The following NBEA variants were observed in gnomAD, a reference collection of about 807,000 sequenced individuals.
NBEA encodes the protein neurobeachin, also known as lysosomal-trafficking regulator 2.
Under a neutral mutation model 343.4 loss-of-function variants are expected in NBEA, and 44 were observed. The observed-to-expected ratio is 0.13, with a 90% CI of 0.10 to 0.16. The LOEUF is 0.16. Among genes scored for constraint, NBEA ranks in the 10% least tolerant of loss-of-function variants. NBEA has a pLI of 1.00. For synonymous variants in NBEA, 1,175 were observed against 1,238.7 expected (o/e 0.95, Z 1.08); for missense variants, 2,555 against 3,631.3 (o/e 0.70, Z 7.62).
At chr13:35,629,084 T>C (rs956419107) in intron 49 of NBEA, among the ~76,000 whole-genome samples, 1 of 152,232 alleles carries the variant, frequency 6.6e-6, no homozygotes, top group African/African-American at 2.4e-5. Flanking sequence ...AGTATGTATA[T>C]AGTATTTTTA....
At chr13:35,311,114 T>C (rs2037332544) in intron 36 of NBEA, among the ~76,000 whole-genome samples, 1 of 152,160 alleles carries the variant, frequency 6.6e-6, no homozygotes, top group Non-Finnish European at 1.5e-5. Flanking sequence ...TTTTCTTTTA[T>C]AACGCAAATA....
intron 38 of NBEA, among the ~76,000 whole-genome samples, chr13:35,385,473 A>G (rs1465301598): frequency 6.6e-6 from 1 of 152,110 alleles, no homozygotes; most frequent in East Asian, 1.9e-4. Context: ...TGCAGAGTGG[A>G]CAATCACTGG....
At chr13:35,583,050 G>T (rs921027160) in intron 45 of NBEA, among the ~76,000 whole-genome samples, 24 of 152,112 alleles carry the variant, frequency 1.6e-4, no homozygotes, top group African/African-American at 5.8e-4. Flanking sequence ...TCAAAATAAT[G>T]TGCTTATTTG....
At chr13:35,571,229 ATT>A (rs904610044) in intron 45 of NBEA, among the ~76,000 whole-genome samples, 49 of 152,262 alleles carry the variant, frequency 3.2e-4, no homozygotes, top group Middle Eastern at 6.8e-3. Flanking sequence ...AAAAATAAAT[ATT>A]TATTTTCTTT....
intron 38 of NBEA, among the ~76,000 whole-genome samples, chr13:35,377,552 C>A (rs2041809580): frequency 6.6e-6 from 1 of 152,274 alleles, no homozygotes; most frequent in East Asian, 1.9e-4. Flanking sequence ...CTTAAAGCAG[C>A]AAGGTGCTAT....
chr13:35,034,420 T>G (rs1333620402), intron 1 of NBEA, among the ~76,000 whole-genome samples: 1 of 151,966 alleles, frequency 6.6e-6, no homozygotes. Context: ...CTATGTTTTT[T>G]GTTGAGGATT....
At chr13:35,209,857 T>C (rs2073648487) in intron 32 of NBEA, among the ~76,000 whole-genome samples, 1 of 152,130 alleles carries the variant, frequency 6.6e-6, no homozygotes, top group African/African-American at 2.4e-5. Flanking sequence ...GGCAAATGAA[T>C]GTCATTAATG....
chr13:35,242,319 A>G (rs977216803), intron 34 of NBEA, among the ~76,000 whole-genome samples: 2 of 151,920 alleles, frequency 1.3e-5, no homozygotes, highest in Non-Finnish European at 2.9e-5. Context: ...GACAGAAGAA[A>G]GAATCAGCAA....
intron 47 of NBEA, among the ~76,000 whole-genome samples, chr13:35,594,902 A>G (rs554507514): frequency 6.6e-6 from 1 of 151,294 alleles, no homozygotes; most frequent in Admixed American, 6.6e-5. Flanking sequence ...ATATTATATC[A>G]GCCTATTTCA....
Position 35,667,341 on chromosome 13 carries a change from A to G in NBEA, c.8465-33A>G, listed in dbSNP as rs200583539. On this transcript the variant is annotated intron_variant, in intron 56 of 58. Coordinates refer to ENST00000379939, the MANE Select transcript of NBEA (RefSeq NM_001385012.1). ...GCTAGTATGTCGTTTGTCGTCCCCAACTGACCCTGGCATTGATGTCCCCAC... is the reference window on the plus strand; with the variant it reads ...GCTAGTATGTCGTTTGTCGTCCCCAGCTGACCCTGGCATTGATGTCCCCAC... The G allele has an allele frequency of 2.7e-4, 424 of 1,594,408 alleles. 1 individual carries two copies. Among genetic ancestry groups the G allele is most frequent in the Middle Eastern group, 5.1e-4 (3 of 5,878 alleles).
intron 48 of NBEA, among the ~76,000 whole-genome samples, chr13:35,610,475 A>G (rs1284234849): frequency 1.3e-5 from 2 of 150,236 alleles, no homozygotes; most frequent in Non-Finnish European, 3.0e-5. Context: ...TTGGTGCTAG[A>G]AGAGTTGGAT....
At chr13:35,523,897 G>C (rs1298447694) in intron 41 of NBEA, among the ~76,000 whole-genome samples, 3 of 149,946 alleles carry the variant, frequency 2.0e-5, no homozygotes, top group Non-Finnish European at 4.5e-5. Flanking sequence ...TTTTTTTTCT[G>C]CTTTTTTAAG....
chr13:35,045,951 T>C (rs986656140), intron 4 of NBEA, among the ~76,000 whole-genome samples: 2 of 152,068 alleles, frequency 1.3e-5, no homozygotes, highest in African/African-American at 4.8e-5. Flanking sequence ...GCTCTCAAAC[T>C]CCTAACCTCC....
intron 1 of NBEA, among the ~76,000 whole-genome samples, chr13:34,995,738 C>T (rs772192957): frequency 5.3e-5 from 8 of 152,194 alleles, no homozygotes; most frequent in Non-Finnish European, 8.8e-5. Context: ...TACATGAGTA[C>T]ACGCTCAAGT....
chr13:35,027,853 T>G (rs754786938), intron 1 of NBEA, among the ~76,000 whole-genome samples: 4 of 151,970 alleles, frequency 2.6e-5, no homozygotes, highest in Non-Finnish European at 5.9e-5. Context: ...TTATAAAAGA[T>G]ATGAAATATC....
chr13:35,622,668 G>T (rs2083046492), intron 48 of NBEA, among the ~76,000 whole-genome samples: 1 of 152,092 alleles, frequency 6.6e-6, no homozygotes. Context: ...GTGACAATAT[G>T]GCTTTCTGAT....
chr13:35,088,736 G>A (rs1487836001), intron 10 of NBEA, among the ~76,000 whole-genome samples: 2 of 151,456 alleles, frequency 1.3e-5, no homozygotes, highest in Non-Finnish European at 2.9e-5. Flanking sequence ...ACAGAACAGA[G>A]CCCTCAGAAA....
At chr13:35,357,074 C>T (rs1413657338) in intron 38 of NBEA, among the ~76,000 whole-genome samples, 7 of 152,114 alleles carry the variant, frequency 4.6e-5, no homozygotes, top group Non-Finnish European at 1.0e-4. Context: ...TAGAACTCTG[C>T]ATATAATAAT....
chr13:35,476,737 A>G (rs761918694), intron 41 of NBEA: 43 of 1,063,494 alleles, frequency 4.0e-5, no homozygotes, highest in Non-Finnish European at 4.8e-5. Flanking sequence ...AGGGCCAGGC[A>G]GGCGGGCGGC....
Sources: gnomAD v4.1 joint callset for allele counts (sites outside exome capture counted in the v4.1 genomes callset) on GRCh38, gnomAD v4.1.1 for gene constraint, MANE v1.5 for transcripts, NCBI Gene and HGNC (gene_info 2026-07-23, HGNC 2026-07-21) for gene names.